ADAMTSL1: variants seen among roughly 807,000 people sequenced by gnomAD.
The protein encoded by ADAMTSL1 is ADAMTS like 1, also known as ADAMTS-like protein 1.
In ADAMTSL1, 126 loss-of-function variants were observed where a neutral mutation model predicts 201.8. The observed-to-expected ratio is 0.62, with a 90% CI of 0.54 to 0.72. The LOEUF is 0.72. Ranked by LOEUF, ADAMTSL1 falls within the 30% of genes least tolerant of loss-of-function variation. ADAMTSL1 has a pLI of 0.00. For synonymous variants in ADAMTSL1, 1,121 were observed against 903.4 expected, an observed-to-expected ratio of 1.24 and a Z score of -4.32; for missense variants, 2,679 against 2,277.8, an observed-to-expected ratio of 1.18 and a Z score of -3.59.
At chr9:17,922,709 T>A (rs1347466627) in intron 1 of ADAMTSL1, among the ~76,000 whole-genome samples, 2 of 122,084 alleles carry the variant, frequency 1.6e-5, no homozygotes, top group Non-Finnish European at 3.4e-5. Flanking sequence ...GAACCACGCA[T>A]CTCATAACTC....
chr9:18,337,992 A>G (rs570503655), intron 2 of ADAMTSL1, among the ~76,000 whole-genome samples: 1 of 152,238 alleles, frequency 6.6e-6, no homozygotes, highest in Admixed American at 6.5e-5. Context: ...GAGTGGGGCA[A>G]AAGATGAAGG....
intron 1 of ADAMTSL1, among the ~76,000 whole-genome samples, chr9:18,056,671 C>G (rs982164392): frequency 1.3e-5 from 2 of 152,200 alleles, no homozygotes; most frequent in Non-Finnish European, 2.9e-5. Context: ...AGCATGGTAA[C>G]TGGCCAAAAG....
intron 2 of ADAMTSL1, among the ~76,000 whole-genome samples, chr9:18,359,233 A>G (rs2133068304): frequency 6.6e-6 from 1 of 152,316 alleles, no homozygotes; most frequent in East Asian, 1.9e-4. Flanking sequence ...GTATAAAGAT[A>G]TCCCCTTCCC....
intron 2 of ADAMTSL1, among the ~76,000 whole-genome samples, chr9:18,274,851 G>A (rs923813710): frequency 2.6e-5 from 4 of 152,196 alleles, no homozygotes; most frequent in Admixed American, 6.5e-5. Flanking sequence ...TTGTAAGCCT[G>A]TACTTTGAGG....
At chr9:18,170,453 G>T (rs972597280) in intron 2 of ADAMTSL1, among the ~76,000 whole-genome samples, 1 of 151,902 alleles carries the variant, frequency 6.6e-6, no homozygotes, top group African/African-American at 2.4e-5. Context: ...TTTTAGAAAG[G>T]TACCACTTAC....
intron 5 of ADAMTSL1, among the ~76,000 whole-genome samples, chr9:18,624,285 G>T (rs1402832668): frequency 3.1e-4 from 47 of 152,158 alleles, no homozygotes; most frequent in Admixed American, 3.1e-3. Context: ...TTGGTCATGT[G>T]GGTTGGTAGC....
chr9:18,753,451 G>T lies in ADAMTSL1; in HGVS notation c.2160G>T (p.Val720=). The part of the protein sequence containing the change: ...ELCRQPKPST[V]QACNRFNCPP... ...GTCGCCAGCCCAAGCCCAGCACGGT[G>T]CAAGCTTGTAACCGCTTTAATTGCC... Residue 720 remains valine (V), a synonymous_variant, in exon 16 of 29, where the codon GTG becomes GTT. Coordinates refer to ENST00000380548, the MANE Select transcript of ADAMTSL1 (RefSeq NM_001040272.6). 1 of 1,613,504 alleles carries T rather than the reference G, an allele frequency of 6.2e-7. No homozygotes were observed. The highest frequency in any genetic ancestry group is 8.5e-7 in the Non-Finnish European group (1 of 1,179,788).
At chr9:18,675,934 A>G (rs985269791) in intron 10 of ADAMTSL1, 27 bp downstream of exon 10, 1 of 1,600,178 alleles carries the variant, frequency 6.2e-7, no homozygotes, top group Non-Finnish European at 8.6e-7. Flanking sequence ...TCCTGATGTT[A>G]GAATTAGCAA....
At chr9:18,807,640 T>C (rs564960086) in intron 20 of ADAMTSL1, among the ~76,000 whole-genome samples, 5 of 134,450 alleles carry the variant, frequency 3.7e-5, no homozygotes, top group East Asian at 2.5e-4. Flanking sequence ...AGCGAGACTC[T>C]GTCTCAAAAA....
chr9:18,263,606 A>T (rs1398887511), intron 2 of ADAMTSL1, among the ~76,000 whole-genome samples: 1 of 152,158 alleles, frequency 6.6e-6, no homozygotes, highest in Non-Finnish European at 1.5e-5. Context: ...TGTGGACTGA[A>T]AGTTTCTGTC....
At chr9:18,209,223 C>A (rs543612512) in intron 2 of ADAMTSL1, among the ~76,000 whole-genome samples, 4 of 149,734 alleles carry the variant, frequency 2.7e-5, no homozygotes, top group Non-Finnish European at 6.0e-5. Context: ...ATGTTTGAGA[C>A]AAAAATGCAC....
At chr9:18,007,161 T>A (rs1168936639) in intron 1 of ADAMTSL1, among the ~76,000 whole-genome samples, 2 of 152,010 alleles carry the variant, frequency 1.3e-5, no homozygotes, top group Non-Finnish European at 2.9e-5. Context: ...GTTAACACAG[T>A]TTAAGCCAGG....
chr9:18,870,123 T>C (rs1451860856), intron 23 of ADAMTSL1, among the ~76,000 whole-genome samples: 1 of 152,222 alleles, frequency 6.6e-6, no homozygotes, highest in Admixed American at 6.5e-5. Context: ...CATCTGTTCA[T>C]TTATTATGAG....
At chr9:18,738,300 C>A (rs1818634809) in intron 15 of ADAMTSL1, among the ~76,000 whole-genome samples, 2 of 152,074 alleles carry the variant, frequency 1.3e-5, no homozygotes, top group South Asian at 4.2e-4. Context: ...AATGCAGTTA[C>A]CCCAGGTAAA....
intron 1 of ADAMTSL1, among the ~76,000 whole-genome samples, chr9:17,962,916 T>C (rs1313268488): frequency 2.6e-5 from 4 of 152,224 alleles, no homozygotes; most frequent in African/African-American, 9.6e-5. Context: ...TCGGTTGGTA[T>C]TCAGGGAGCC....
intron 1 of ADAMTSL1, among the ~76,000 whole-genome samples, chr9:18,011,141 A>G (rs963245246): frequency 3.3e-5 from 5 of 152,052 alleles, no homozygotes; most frequent in African/African-American, 1.2e-4. Context: ...TCAGGAGTTT[A>G]TAGCTAGCCT....
At chr9:18,339,672 T>A (rs1835390799) in intron 2 of ADAMTSL1, among the ~76,000 whole-genome samples, 1 of 152,140 alleles carries the variant, frequency 6.6e-6, no homozygotes, top group Non-Finnish European at 1.5e-5. Flanking sequence ...CCCAGGTCAG[T>A]CTTATGATCC....
At chr9:18,234,133 G>C (rs1170042387) in intron 2 of ADAMTSL1, among the ~76,000 whole-genome samples, 1 of 152,144 alleles carries the variant, frequency 6.6e-6, no homozygotes, top group Non-Finnish European at 1.5e-5. Flanking sequence ...TGGGGGGTGA[G>C]AGTGAGAAAA....
intron 24 of ADAMTSL1, among the ~76,000 whole-genome samples, chr9:18,888,541 C>T (rs777675413): frequency 1.1e-4 from 16 of 152,166 alleles, no homozygotes; most frequent in South Asian, 2.1e-4. Flanking sequence ...GAACAGACTG[C>T]GAAGCCCACA....
Sources: gnomAD v4.1 joint callset for allele counts (sites outside exome capture counted in the v4.1 genomes callset) on GRCh38, gnomAD v4.1.1 for gene constraint, MANE v1.5 for transcripts, NCBI Gene and HGNC (gene_info 2026-07-23, HGNC 2026-07-21) for gene names.